CRADD: variants seen among roughly 807,000 people sequenced by gnomAD.
CRADD encodes CARD and death domain containing adaptor protein, also known as death domain-containing protein CRADD.
In CRADD, 9 loss-of-function variants were observed where a neutral mutation model predicts 15.5. That is an observed-to-expected ratio of 0.58 (90% confidence interval 0.35 to 1.01). The LOEUF (loss-of-function observed/expected upper bound fraction) is 1.01. Among genes scored for constraint, CRADD ranks in the 50% least tolerant of loss-of-function variants. The pLI, the probability that CRADD is intolerant of heterozygous loss-of-function variation, is 0.02. For synonymous variants in CRADD, 118 were observed against 107.6 expected (o/e 1.10, Z -0.60); for missense variants, 227 against 250.3 (o/e 0.91, Z 0.63).
chr12:93,755,396 T>A (rs182225098), intron 2 of CRADD, among the ~76,000 whole-genome samples: 2 of 152,226 alleles, frequency 1.3e-5, no homozygotes, highest in East Asian at 3.9e-4. Context: ...ATTTGGAAAA[T>A]TTTTTAAATC....
chr12:93,721,343 T>A (rs539796621), intron 2 of CRADD, among the ~76,000 whole-genome samples: 1 of 152,330 alleles, frequency 6.6e-6, no homozygotes, highest in African/African-American at 2.4e-5. Flanking sequence ...GGGCAGTGTA[T>A]TTCATTATAA....
intron 2 of CRADD, among the ~76,000 whole-genome samples, chr12:93,840,368 A>T (rs536258864): frequency 6.6e-6 from 1 of 152,136 alleles, no homozygotes; most frequent in East Asian, 1.9e-4. Context: ...TTATTGTAAG[A>T]GTGTTGAAAT....
At position 93,748,031 on chromosome 12, in the gene CRADD, A is replaced by C. The variant is rs7316855; in HGVS notation, c.298+68959A>C. On this transcript the variant is annotated intron_variant, in intron 2 of 2. Coordinates refer to ENST00000332896, the MANE Select transcript of CRADD (RefSeq NM_003805.5). ...TATGAAATACTTTATGTAATATTAT[A>C]TATCATATGGTAAGTATACGTTTAT... is the stretch of plus-strand genomic sequence containing the variant. Among the ~76,000 whole-genome samples, 344 of 152,316 alleles carry C rather than the reference A, an allele frequency of 2.3e-3. 2 individuals are homozygous for C. The highest frequency in any genetic ancestry group is 7.9e-3 in the African/African-American group (330 of 41,570).
chr12:93,872,507 A>G (rs756759361), intron 2 of CRADD, among the ~76,000 whole-genome samples: 4 of 152,104 alleles, frequency 2.6e-5, no homozygotes, highest in Non-Finnish European at 4.4e-5. Flanking sequence ...ATTTTCGCCA[A>G]TGTTTTCTTG....
chr12:93,848,571 T>C (rs1288987394), intron 2 of CRADD: 1 of 152,420 alleles, frequency 6.6e-6, no homozygotes, highest in Admixed American at 6.5e-5. Context: ...TCTCAATCTC[T>C]GCACTTGGCT....
At chr12:93,868,686 G>GCACACACACA (rs570970896) in intron 2 of CRADD, among the ~76,000 whole-genome samples, 44 of 142,916 alleles carry the variant, frequency 3.1e-4, no homozygotes, top group Middle Eastern at 3.6e-3. Flanking sequence ...TCTCTCTCTT[G>GCACACACACA]CACACACACA....
At chr12:93,683,247 A>T (rs191700674) in intron 2 of CRADD, among the ~76,000 whole-genome samples, 1 of 152,262 alleles carries the variant, frequency 6.6e-6, no homozygotes, top group Non-Finnish European at 1.5e-5. Flanking sequence ...CCTGGGCCAC[A>T]GGACCCCCTC....
At chr12:93,714,644 C>T (rs1479735531) in intron 2 of CRADD, 5 of 152,246 alleles carry the variant, frequency 3.3e-5, no homozygotes, top group Non-Finnish European at 7.3e-5. Context: ...GCGAGTGTCT[C>T]TGCTATTCTC....
At chr12:93,892,741 C>T (rs150608491) in intron 2 of CRADD, among the ~76,000 whole-genome samples, 224 of 152,182 alleles carry the variant, frequency 1.5e-3, no homozygotes, top group Middle Eastern at 6.8e-3. Flanking sequence ...AGGGATCATT[C>T]GGGAATAAAC....
At chr12:93,707,105 G>T (rs919537230) in intron 2 of CRADD, among the ~76,000 whole-genome samples, 1 of 152,114 alleles carries the variant, frequency 6.6e-6, no homozygotes, top group East Asian at 1.9e-4. Flanking sequence ...TGTGTCATTT[G>T]TCATGGATCA....
At chr12:93,726,616 AC>A (rs1956372193) in intron 2 of CRADD, among the ~76,000 whole-genome samples, 1 of 152,226 alleles carries the variant, frequency 6.6e-6, no homozygotes, top group African/African-American at 2.4e-5. Context: ...ATATATACAT[AC>A]ATACATTGTA....
At chr12:93,741,000 C>G (rs1956657681) in intron 2 of CRADD, among the ~76,000 whole-genome samples, 1 of 152,082 alleles carries the variant, frequency 6.6e-6, no homozygotes, top group Non-Finnish European at 1.5e-5. Context: ...TATAAACACT[C>G]AAAAATTATA....
chr12:93,804,512 A>G (rs893618841), intron 2 of CRADD, among the ~76,000 whole-genome samples: 4 of 152,138 alleles, frequency 2.6e-5, no homozygotes, highest in Admixed American at 6.6e-5. Context: ...GAAGTCCCCA[A>G]GTCTCAGGAG....
intron 2 of CRADD, among the ~76,000 whole-genome samples, chr12:93,761,207 A>G (rs1956956915): frequency 6.6e-6 from 1 of 152,214 alleles, no homozygotes; most frequent in Non-Finnish European, 1.5e-5. Flanking sequence ...ATGTGAGTTT[A>G]GATTTGGTCT....
intron 2 of CRADD, among the ~76,000 whole-genome samples, chr12:93,789,035 G>T (rs956174131): frequency 2.6e-5 from 4 of 151,944 alleles, no homozygotes; most frequent in African/African-American, 9.7e-5. Context: ...ATCCTTGGTG[G>T]TCAACCACTT....
intron 2 of CRADD, among the ~76,000 whole-genome samples, chr12:93,703,585 C>A (rs1160588858): frequency 6.6e-6 from 1 of 151,990 alleles, no homozygotes; most frequent in African/African-American, 2.4e-5. Flanking sequence ...TGGTGTAGAA[C>A]TTCTGAGCTC....
At chr12:93,739,253 T>C (rs1379057343) in intron 2 of CRADD, among the ~76,000 whole-genome samples, 1 of 152,156 alleles carries the variant, frequency 6.6e-6, no homozygotes, top group Admixed American at 6.5e-5. Context: ...AGTAGTAGTG[T>C]AGCCTCTTTT....
intron 2 of CRADD, among the ~76,000 whole-genome samples, chr12:93,771,608 T>C (rs1251811264): frequency 6.6e-6 from 1 of 152,226 alleles, no homozygotes; most frequent in African/African-American, 2.4e-5. Context: ...AAAACCTTGT[T>C]AAGCCTGTTG....
chr12:93,679,807 A>G (rs1304067326), intron 2 of CRADD, among the ~76,000 whole-genome samples: 1 of 152,212 alleles, frequency 6.6e-6, no homozygotes, highest in Non-Finnish European at 1.5e-5. Flanking sequence ...TACCAGCTGG[A>G]AAAGGTCAGA....
Sources: gnomAD v4.1 joint callset for allele counts (sites outside exome capture counted in the v4.1 genomes callset) on GRCh38, gnomAD v4.1.1 for gene constraint, MANE v1.5 for transcripts, NCBI Gene and HGNC (gene_info 2026-07-23, HGNC 2026-07-21) for gene names.